The following ASNS variants were observed in gnomAD, a reference collection of about 807,000 sequenced individuals.
ASNS encodes asparagine synthetase (glutamine-hydrolyzing), also known as asparagine synthetase [glutamine-hydrolyzing].
A neutral mutation model predicts 62.6 loss-of-function variants in ASNS; 37 were observed. The ratio of observed to expected loss-of-function variants is 0.59; its 90% CI spans 0.45 to 0.78. The LOEUF (loss-of-function observed/expected upper bound fraction) is 0.78, where lower values mean the gene tolerates loss of function less well. Among genes scored for constraint, ASNS ranks in the 30% least tolerant of loss-of-function variants. The pLI, the probability that ASNS is intolerant of heterozygous loss-of-function variation, is 0.00. For synonymous variants in ASNS, 207 were observed against 237.9 expected (o/e 0.87, Z 1.19); for missense variants, 520 against 682.4 (o/e 0.76, Z 2.65).
rs772856594 is a variant in ASNS, at chr7:97,855,443, G to A, written c.1047C>T (p.Ser349=). ...TATCTGTGTTCTTCCGAATATACTTGGAAATTAAATACATACCTTAAATGA... is the reference window on the plus strand; with the variant it reads ...TATCTGTGTTCTTCCGAATATACTTAGAAATTAAATACATACCTTAAATGA... ...VRASVGMYLI[S]KYIRKNTDSV... Residue 349 remains serine (S), a synonymous_variant, in exon 9 of 13, where the codon TCC becomes TCT. Coordinates refer to ENST00000394308, the MANE Select transcript of ASNS (RefSeq NM_001673.5). 13 of 1,608,520 alleles carry A rather than the reference G, an allele frequency of 8.1e-6. No individual in the cohort carries two copies. Among genetic ancestry groups the A allele is most frequent in the South Asian group, 1.1e-5 (1 of 90,732 alleles).
chr7:97,896,207 A>T, the ASNS span, among the ~76,000 whole-genome samples: 2 of 152,088 alleles, frequency 1.3e-5, no homozygotes, highest in Non-Finnish European at 2.9e-5. Flanking sequence ...CCTGAAATTC[A>T]TATGGAACCA....
At chr7:97,918,468 G>T in the ASNS span, among the ~76,000 whole-genome samples, 1 of 152,188 alleles carries the variant, frequency 6.6e-6, no homozygotes, top group African/African-American at 2.4e-5. Context: ...ACGAAGCGTG[G>T]TGCATCCACA....
the ASNS span, among the ~76,000 whole-genome samples, chr7:97,888,034 G>A: frequency 3.3e-5 from 5 of 152,256 alleles, no homozygotes; most frequent in South Asian, 6.2e-4. Context: ...AGTACAAATG[G>A]TACAGTCAGA....
At chr7:97,923,928 T>C in the ASNS span, among the ~76,000 whole-genome samples, 1 of 152,038 alleles carries the variant, frequency 6.6e-6, no homozygotes, top group Non-Finnish European at 1.5e-5. Context: ...CTCCAACTCA[T>C]CTCCTTCCTG....
At chr7:97,911,131 G>A in the ASNS span, among the ~76,000 whole-genome samples, 1 of 152,138 alleles carries the variant, frequency 6.6e-6, no homozygotes, top group African/African-American at 2.4e-5. Context: ...CTGCCCTCAT[G>A]TTTTTAGAGG....
the ASNS span, among the ~76,000 whole-genome samples, chr7:97,901,351 A>G: frequency 1.3e-5 from 2 of 152,158 alleles, no homozygotes; most frequent in African/African-American, 4.8e-5. Flanking sequence ...GCATGCCACC[A>G]TGCCTGGCTA....
the ASNS span, among the ~76,000 whole-genome samples, chr7:97,882,208 G>A: frequency 6.6e-6 from 1 of 152,080 alleles, no homozygotes; most frequent in African/African-American, 2.4e-5. Flanking sequence ...CTTTTCCCAA[G>A]TCACAGTGGG....
upstream of ASNS, among the ~76,000 whole-genome samples, chr7:97,875,781 T>TA (rs1334599216): frequency 6.6e-6 from 1 of 152,196 alleles, no homozygotes; most frequent in Non-Finnish European, 1.5e-5. Flanking sequence ...TAAACACAGT[T>TA]ACTTATTTGT....
At chr7:97,860,090 T>C (rs1192727341) in intron 4 of ASNS, among the ~76,000 whole-genome samples, 1 of 152,182 alleles carries the variant, frequency 6.6e-6, no homozygotes, top group Non-Finnish European at 1.5e-5. Context: ...AATTTGAGAT[T>C]GTCTACCCAG....
the ASNS span, among the ~76,000 whole-genome samples, chr7:97,926,944 T>C: frequency 2.0e-5 from 3 of 152,194 alleles, no homozygotes; most frequent in East Asian, 3.9e-4. Context: ...GGTCTCACTT[T>C]GTCACCCAGG....
the ASNS span, chr7:97,928,404 G>A: frequency 6.7e-6 from 4 of 593,842 alleles, no homozygotes; most frequent in Non-Finnish European, 1.1e-5. Flanking sequence ...TCCGCGCGGC[G>A]CGGAGGTGGG....
chr7:97,893,509 ACT>A, the ASNS span, among the ~76,000 whole-genome samples: 1 of 152,274 alleles, frequency 6.6e-6, no homozygotes, highest in African/African-American at 2.4e-5. Flanking sequence ...ACACACACAG[ACT>A]GAAAGTGAAG....
chr7:97,897,555 G>A, the ASNS span, among the ~76,000 whole-genome samples: 1 of 152,106 alleles, frequency 6.6e-6, no homozygotes, highest in East Asian at 1.9e-4. Context: ...AAACCACAAT[G>A]AGATATCATC....
At chr7:97,903,403 C>T in the ASNS span, among the ~76,000 whole-genome samples, 1 of 152,210 alleles carries the variant, frequency 6.6e-6, no homozygotes, top group South Asian at 2.1e-4. Context: ...GAATTTTGTA[C>T]ACACCTACAC....
At chr7:97,918,295 C>A in the ASNS span, among the ~76,000 whole-genome samples, 2 of 152,190 alleles carry the variant, frequency 1.3e-5, no homozygotes, top group Non-Finnish European at 2.9e-5. Flanking sequence ...GCAAATTAAG[C>A]ACAGATCCCC....
chr7:97,888,329 T>TC, the ASNS span, among the ~76,000 whole-genome samples: 4 of 150,308 alleles, frequency 2.7e-5, no homozygotes, highest in East Asian at 1.9e-4. Flanking sequence ...TTGCTTTCTT[T>TC]TTTTTTTTTT....
At chr7:97,926,756 G>T in the ASNS span, among the ~76,000 whole-genome samples, 23 of 152,194 alleles carry the variant, frequency 1.5e-4, no homozygotes, top group Non-Finnish European at 2.4e-4. Flanking sequence ...TCATCCTTCA[G>T]GTCATGCGAT....
At chr7:97,855,508 C>A (rs752669628) in intron 8 of ASNS, 49 bp from the exon 9 acceptor site, 43 of 1,379,696 alleles carry the variant, frequency 3.1e-5, no homozygotes, top group Non-Finnish European at 3.7e-5. Context: ...AACCTTCCAC[C>A]AAAAATGCCT....
intron 8 of ASNS, among the ~76,000 whole-genome samples, chr7:97,856,164 G>A (rs543106010): frequency 1.3e-5 from 2 of 152,234 alleles, no homozygotes; most frequent in East Asian, 1.9e-4. Context: ...GTCTCTCAAG[G>A]GAGGCAGTAG....
Sources: allele counts gnomAD v4.1 joint callset (sites outside exome capture counted in the v4.1 genomes callset), GRCh38; gene constraint gnomAD v4.1.1; transcripts MANE v1.5; gene names NCBI Gene and HGNC (gene_info 2026-07-23, HGNC 2026-07-21).